DYNC1H1: variants seen among roughly 807,000 people sequenced by gnomAD.
DYNC1H1 encodes cytoplasmic dynein 1 heavy chain 1.
DYNC1H1 carries 51 observed loss-of-function variants against 527.1 expected under a neutral mutation model. The ratio of observed to expected loss-of-function variants is 0.10; its 90% CI spans 0.08 to 0.12. DYNC1H1 has a LOEUF of 0.12. Ranked by LOEUF, DYNC1H1 falls within the 10% of genes least tolerant of loss-of-function variation. DYNC1H1 has a pLI of 1.00. For synonymous variants in DYNC1H1, 2,189 were observed against 2,278.8 expected (o/e 0.96, Z 1.12); for missense variants, 2,771 against 5,971.8 (o/e 0.46, Z 17.66).
chr14:102,003,580 G>T (rs1242853980), intron 23 of DYNC1H1, among the ~76,000 whole-genome samples: 1 of 152,132 alleles, frequency 6.6e-6, no homozygotes, highest in African/African-American at 2.4e-5. Flanking sequence ...TTTCTAAGTG[G>T]CATCTTTTCC....
At chr14:101,967,149 G>C (rs888636992) in intron 1 of DYNC1H1, among the ~76,000 whole-genome samples, 4 of 152,116 alleles carry the variant, frequency 2.6e-5, no homozygotes, top group African/African-American at 9.7e-5. Flanking sequence ...CTTATTAGCA[G>C]CCTGGCTACA....
At chr14:102,006,528 C>T (rs563162759) in intron 27 of DYNC1H1, among the ~76,000 whole-genome samples, 2 of 151,266 alleles carry the variant, frequency 1.3e-5, no homozygotes, top group African/African-American at 2.4e-5. Flanking sequence ...TCACCACGCC[C>T]GGCCTGAATG....
At chr14:101,967,643 C>T (rs1451642373) in intron 1 of DYNC1H1, among the ~76,000 whole-genome samples, 2 of 152,102 alleles carry the variant, frequency 1.3e-5, no homozygotes, top group Non-Finnish European at 2.9e-5. Flanking sequence ...AGTTCAAGAC[C>T]AGCCTGGGCA....
rs1235912057 is a variant in DYNC1H1, at chr14:102,051,513, T to G, written c.*950T>G. Reference sequence around the variant, plus strand: ...CTTGGCTCCTCCAGACAAGGGAGTTTTGTGCTGTAGATGAGGGAGTTGCCC... The same window carrying G: ...CTTGGCTCCTCCAGACAAGGGAGTTGTGTGCTGTAGATGAGGGAGTTGCCC... On this transcript the variant is annotated 3_prime_UTR_variant, in exon 78 of 78. Transcript: ENST00000360184. 1 of 152,196 alleles carries G rather than the reference T, an allele frequency of 6.6e-6. No homozygotes were observed. Among genetic ancestry groups the G allele is most frequent in the Non-Finnish European group, 1.5e-5 (1 of 68,178 alleles). 9.4% of individuals were successfully genotyped at this position (152,196 alleles called of 1,614,324 possible). A position where few individuals can be genotyped will look rare whatever the true frequency, so the allele number is the denominator to read the frequency against.
At chr14:102,006,228 A>T in intron 27 of DYNC1H1, 58 bp downstream of exon 27, 3 of 1,600,140 alleles carry the variant, frequency 1.9e-6, no homozygotes, top group Non-Finnish European at 2.5e-6. Flanking sequence ...TTTAAAGATA[A>T]AGCTAATGAT....
intron 72 of DYNC1H1, 152 bp from the exon 73 acceptor site, chr14:102,047,665 G>C: frequency 2.1e-6 from 1 of 471,570 alleles, no homozygotes; most frequent in Non-Finnish European, 3.7e-6. Flanking sequence ...ATATATATAT[G>C]TACACACGGC....
At position 102,041,534 on chromosome 14, in the gene DYNC1H1, A is replaced by G; in HGVS notation, c.11942-40A>G. On this transcript the variant is annotated intron_variant, in intron 64 of 77. Coordinates refer to ENST00000360184, the MANE Select transcript of DYNC1H1 (RefSeq NM_001376.5). The surrounding 1 kb of genome is among the most constrained non-coding windows in gnomAD (Gnocchi z 4.5). ...GGCAGGGGAGGGCGTCTCTGAGTCC[A>G]TGCTTCCACCCAGCACCCACCCCTC... The G allele has an allele frequency of 1.9e-6, 3 of 1,612,742 alleles. No individual in the cohort carries two copies. The highest frequency in any genetic ancestry group is 1.1e-5 in the South Asian group (1 of 90,688).
chr14:102,018,287 G>T lies in DYNC1H1; in HGVS notation c.8178-164G>T, dbSNP rs1032468704. On this transcript the variant is annotated intron_variant, in intron 40 of 77. Transcript: ENST00000360184. The surrounding 1 kb of genome is among the most constrained non-coding windows in gnomAD (Gnocchi z 5.2). Reference sequence around the variant, plus strand: ...GTTGTGTGTCAGACCCCAAGCCTGAGCAGCGTGTGTGTGATCTCAGCTAAC... The same window carrying T: ...GTTGTGTGTCAGACCCCAAGCCTGATCAGCGTGTGTGTGATCTCAGCTAAC... Among the ~76,000 whole-genome samples, 2 of 152,200 alleles carry T rather than the reference G, an allele frequency of 1.3e-5. No individual in the cohort carries two copies. Among genetic ancestry groups the T allele is most frequent in the Non-Finnish European group, 2.9e-5 (2 of 68,044 alleles).
chr14:102,033,562 C>T lies in DYNC1H1; in HGVS notation c.10413+78C>T. ...AACACACTTCAACATGCGCTGCATG[C>T]ACCATGCTGGCCTCGGTGAATTCGC... On this transcript the variant is annotated intron_variant, in intron 54 of 77. Transcript: ENST00000360184. The surrounding 1 kb of genome is among the most constrained non-coding windows in gnomAD (Gnocchi z 5.6). 6.4e-7 allele frequency: 1 copy of T among 1,560,952 alleles called. No homozygotes were observed. The highest frequency in any genetic ancestry group is 1.4e-5 in the African/African-American group (1 of 73,796).
At chr14:102,021,656 CT>C (rs757880988) in intron 42 of DYNC1H1, among the ~76,000 whole-genome samples, 13,933 of 119,746 alleles carry the variant, frequency 0.12, 630 homozygotes, top group African/African-American at 0.23. Context: ...TTTTCTTTTT[CT>C]TTTTTTTTTT....
chr14:102,018,783 A>AC lies in DYNC1H1; in HGVS notation c.8343+167_8343+168insC, dbSNP rs2048353423. On this transcript the variant is annotated intron_variant, in intron 41 of 77. Transcript: ENST00000360184. This position sits in a 1 kb window ranked among gnomAD's most constrained non-coding sequence, Gnocchi z 5.2. ...TGAGACCAGTCTGGACAACATGGCA[A>AC]AACCCTGTCTCTACAAAAAATAGGT... 6.6e-6 allele frequency among the ~76,000 whole-genome samples: 1 copy of AC among 152,154 alleles called. No homozygotes were observed. Among genetic ancestry groups the AC allele is most frequent in the South Asian group, 2.1e-4 (1 of 4,830 alleles).
chr14:102,037,285 G>A (rs1310328317), intron 57 of DYNC1H1: 1 of 153,824 alleles, frequency 6.5e-6, no homozygotes, highest in Admixed American at 6.4e-5. Flanking sequence ...TTAGCCGGGT[G>A]TGGCGATGCA....
At position 101,985,239 on chromosome 14, in the gene DYNC1H1, T is replaced by C. The variant is rs916760104; in HGVS notation, c.1462-448T>C. On this transcript the variant is annotated intron_variant, in intron 7 of 77. Transcript: ENST00000360184. This position sits in a 1 kb window ranked among gnomAD's most constrained non-coding sequence, Gnocchi z 5.9. ...GTCCTTCTCTGTAAAACATGGATAGTAATTACATATGCCTGAGATTTATAA... is the reference window on the plus strand; with the variant it reads ...GTCCTTCTCTGTAAAACATGGATAGCAATTACATATGCCTGAGATTTATAA... Among the ~76,000 whole-genome samples the C allele has an allele frequency of 7.9e-5, 12 of 152,230 alleles. No homozygotes were observed. The highest frequency in any genetic ancestry group is 2.9e-4 in the African/African-American group (12 of 41,466).
rs868588174 is a variant in DYNC1H1, at chr14:101,978,209, G to A, written c.345-1110G>A. ...TGTGATTACAGGCATGTGCCACCAT[G>A]CCCAGCTAATTCTTGTATTTTTAGT... On this transcript the variant is annotated intron_variant, in intron 2 of 77. Coordinates refer to ENST00000360184, the MANE Select transcript of DYNC1H1 (RefSeq NM_001376.5). 7.9e-5 allele frequency among the ~76,000 whole-genome samples: 12 copies of A among 152,320 alleles called. No homozygotes were observed. The Middle Eastern group carries it at 0.01, about 130-fold the overall frequency.
At chr14:101,969,674 A>C (rs1036525918) in intron 1 of DYNC1H1, 2 of 152,298 alleles carry the variant, frequency 1.3e-5, no homozygotes, top group African/African-American at 4.8e-5. Context: ...CTCTGCACTC[A>C]GTGGTATCCG....
In DYNC1H1 at chr14:102,044,132, G is replaced by C; in HGVS notation, c.12684+87G>C. ...GTGGTGCTGAGAGGCCAGACTCTGC[G>C]TGGAAGAGCGAGCTGACCCCTCGTG... On this transcript the variant is annotated intron_variant, in intron 70 of 77. Coordinates refer to ENST00000360184, the MANE Select transcript of DYNC1H1 (RefSeq NM_001376.5). The surrounding 1 kb of genome is among the most constrained non-coding windows in gnomAD (Gnocchi z 7.1). The C allele has an allele frequency of 6.3e-7, 1 of 1,588,978 alleles. No homozygotes were observed.
At chr14:101,999,045 CTAAT>C (rs2048100445) in intron 16 of DYNC1H1, among the ~76,000 whole-genome samples, 1 of 151,926 alleles carries the variant, frequency 6.6e-6, no homozygotes, top group African/African-American at 2.4e-5. Flanking sequence ...CCACGCCTGG[CTAAT>C]TGTTTGTATT....
At chr14:102,019,754 A>ACCATGTC in intron 41 of DYNC1H1, 139 bp from the exon 42 acceptor site, 1 of 1,116,352 alleles carries the variant, frequency 9.0e-7, no homozygotes, top group South Asian at 1.4e-5. Flanking sequence ...GGCACCCACC[A>ACCATGTC]CCATGTCCAG....
At chr14:101,994,379 A>G in intron 12 of DYNC1H1, 55 bp downstream of exon 12, 11 of 1,611,840 alleles carry the variant, frequency 6.8e-6, no homozygotes, top group South Asian at 1.1e-5. Context: ...TAGACACTTA[A>G]GAGTACAAGA....
Sources: allele counts gnomAD v4.1 joint callset (sites outside exome capture counted in the v4.1 genomes callset), GRCh38; gene constraint gnomAD v4.1.1; non-coding constraint Gnocchi (gnomAD v3.1); transcripts MANE v1.5; gene names NCBI Gene and HGNC (gene_info 2026-07-23, HGNC 2026-07-21).